Variants in SH3GL3 observed in about 807,000 individuals in gnomAD.
SH3GL3 encodes the protein SH3 domain containing GRB2 like 3, endophilin A3, also known as endophilin-A3.
In SH3GL3, 33 loss-of-function variants were observed where a neutral mutation model predicts 47.7. The ratio of observed to expected loss-of-function variants is 0.69; its 90% CI spans 0.52 to 0.92. SH3GL3 has a LOEUF of 0.92. Among genes scored for constraint, SH3GL3 ranks in the 40% least tolerant of loss-of-function variants. The probability of loss-of-function intolerance (pLI) is 0.00; values close to 1 mark genes in which losing one functional copy is unlikely to be tolerated. For synonymous variants in SH3GL3, 155 were observed against 148.8 expected, an observed-to-expected ratio of 1.04 and a Z score of -0.30; for missense variants, 363 against 417.8, an observed-to-expected ratio of 0.87 and a Z score of 1.14.
intron 7 of SH3GL3, among the ~76,000 whole-genome samples, chr15:83,588,370 A>ATCT: frequency 6.6e-6 from 1 of 152,230 alleles, no homozygotes; most frequent in Non-Finnish European, 1.5e-5. Flanking sequence ...ACCTCAGGTG[A>ATCT]GCACCTTGGC....
intron 1 of SH3GL3, among the ~76,000 whole-genome samples, chr15:83,548,479 G>A (rs1415033908): frequency 6.6e-6 from 1 of 151,644 alleles, no homozygotes; most frequent in Middle Eastern, 3.5e-3. Flanking sequence ...TGTTTCTTTT[G>A]GTGTTTGTCC....
the SH3GL3 span, among the ~76,000 whole-genome samples, chr15:83,627,214 G>A: frequency 6.6e-6 from 1 of 152,118 alleles, no homozygotes; most frequent in South Asian, 2.1e-4. Context: ...TGGCTAACAC[G>A]GTGAAACCCC....
chr15:83,543,137 A>G (rs976633232), intron 1 of SH3GL3, among the ~76,000 whole-genome samples: 3 of 151,920 alleles, frequency 2.0e-5, no homozygotes, highest in South Asian at 2.1e-4. Context: ...CTTTTATTGT[A>G]TGGAGATATG....
intron 1 of SH3GL3, among the ~76,000 whole-genome samples, chr15:83,538,192 A>T (rs1247704676): frequency 1.3e-5 from 2 of 152,154 alleles, no homozygotes; most frequent in Non-Finnish European, 2.9e-5. Flanking sequence ...AGAGACTTCC[A>T]GATGCGGATT....
rs76478117 is a variant in SH3GL3 at position 83,617,800 on chromosome 15, G to A, written c.839-282G>A. On this transcript the variant is annotated intron_variant, in intron 8 of 8. Coordinates refer to ENST00000427482, the MANE Select transcript of SH3GL3 (RefSeq NM_003027.5). Reference sequence around the variant, plus strand: ...CTCTGTCGCTCCCTTAGGGCTCCAGGTGGAGCTGACTGGCTGCTTTTGGGA... The same window carrying A: ...CTCTGTCGCTCCCTTAGGGCTCCAGATGGAGCTGACTGGCTGCTTTTGGGA... 8.2e-3 allele frequency among the ~76,000 whole-genome samples: 1,249 copies of A among 152,322 alleles called. 8 individuals are homozygous for A. Among genetic ancestry groups the A allele is most frequent in the African/African-American group, 0.027 (1,132 of 41,576 alleles).
chr15:83,474,522 T>G (rs1337827204), intron 1 of SH3GL3, among the ~76,000 whole-genome samples: 3 of 152,196 alleles, frequency 2.0e-5, no homozygotes, highest in African/African-American at 7.2e-5. Flanking sequence ...GCACTTTTTT[T>G]TTTTCAGAGT....
chr15:83,489,889 AATAG>A (rs1362045545), intron 1 of SH3GL3, among the ~76,000 whole-genome samples: 68 of 146,936 alleles, frequency 4.6e-4, no homozygotes, highest in African/African-American at 9.5e-4. Flanking sequence ...ATAGATAGAT[AATAG>A]ATAGATAGAT....
At chr15:83,596,486 T>C (rs1002004388) in intron 8 of SH3GL3, among the ~76,000 whole-genome samples, 11 of 152,224 alleles carry the variant, frequency 7.2e-5, no homozygotes, top group African/African-American at 2.7e-4. Context: ...AAATCTCTGA[T>C]TATAGTTATG....
intron 1 of SH3GL3, among the ~76,000 whole-genome samples, chr15:83,524,082 G>GT (rs544107277): frequency 1.7e-3 from 263 of 152,266 alleles, no homozygotes; most frequent in African/African-American, 6.0e-3. Flanking sequence ...TTTTCTTGCA[G>GT]TATTAGGAAG....
At chr15:83,462,511 T>G (rs1451712221) in intron 1 of SH3GL3, among the ~76,000 whole-genome samples, 1 of 152,236 alleles carries the variant, frequency 6.6e-6, no homozygotes, top group Non-Finnish European at 1.5e-5. Context: ...TTTAACCCAG[T>G]CATGGAATAC....
intron 1 of SH3GL3, among the ~76,000 whole-genome samples, chr15:83,496,493 A>G (rs1309558396): frequency 6.6e-6 from 1 of 152,182 alleles, no homozygotes; most frequent in East Asian, 1.9e-4. Flanking sequence ...TTTATGGACT[A>G]GAGTGGATAT....
intron 3 of SH3GL3, among the ~76,000 whole-genome samples, chr15:83,566,503 A>C (rs1211070932): frequency 6.6e-6 from 1 of 152,146 alleles, no homozygotes; most frequent in African/African-American, 2.4e-5. Context: ...GGCCAGGCAC[A>C]ATGGCTTATG....
chr15:83,567,305 C>T (rs558760593), intron 3 of SH3GL3, among the ~76,000 whole-genome samples: 5 of 152,260 alleles, frequency 3.3e-5, no homozygotes, highest in East Asian at 1.9e-4. Flanking sequence ...AGCATATTGC[C>T]GCCTTTCCCT....
chr15:83,517,732 T>C (rs979721084), intron 1 of SH3GL3, among the ~76,000 whole-genome samples: 4 of 151,220 alleles, frequency 2.6e-5, no homozygotes, highest in Non-Finnish European at 5.9e-5. Flanking sequence ...GATCTCTCTC[T>C]CTTCTTTTAA....
At chr15:83,467,963 G>C (rs573784784) in intron 1 of SH3GL3, among the ~76,000 whole-genome samples, 74 of 152,224 alleles carry the variant, frequency 4.9e-4, no homozygotes, top group South Asian at 1.2e-3. Flanking sequence ...GAGTAGCTGG[G>C]ACTACAGGTG....
chr15:83,571,899 T>C (rs2045835345), intron 4 of SH3GL3, among the ~76,000 whole-genome samples: 1 of 152,130 alleles, frequency 6.6e-6, no homozygotes, highest in South Asian at 2.1e-4. Flanking sequence ...TACTGCCGAT[T>C]AACCGGACTG....
At chr15:83,465,038 C>T (rs969890496) in intron 1 of SH3GL3, among the ~76,000 whole-genome samples, 1 of 148,372 alleles carries the variant, frequency 6.7e-6, no homozygotes, top group Admixed American at 6.7e-5. Context: ...GCAATAAAAA[C>T]AGCTCATGTG....
chr15:83,506,211 T>C lies in SH3GL3; in HGVS notation c.46-53042T>C, dbSNP rs550211455. Among the ~76,000 whole-genome samples, 18 of 152,360 alleles carry C rather than the reference T, an allele frequency of 1.2e-4. No individual in the cohort carries two copies. In the South Asian group the frequency reaches 3.7e-3, roughly 32 times the overall value. ...TATTCACCTACATGTGGTGGTTTTA[T>C]TTTTATGTTTTCATTTAAAAATATT... On this transcript the variant is annotated intron_variant, in intron 1 of 8. Coordinates refer to ENST00000427482, the MANE Select transcript of SH3GL3 (RefSeq NM_003027.5).
intron 8 of SH3GL3, among the ~76,000 whole-genome samples, chr15:83,593,573 A>G (rs1222857167): frequency 1.3e-5 from 2 of 152,148 alleles, no homozygotes; most frequent in East Asian, 1.9e-4. Context: ...CTAAATTTAC[A>G]TCTTAGGTCT....
Sources: allele counts gnomAD v4.1 joint callset (sites outside exome capture counted in the v4.1 genomes callset), GRCh38; gene constraint gnomAD v4.1.1; transcripts MANE v1.5; gene names NCBI Gene and HGNC (gene_info 2026-07-23, HGNC 2026-07-21).